SIK2: variants seen among roughly 807,000 people sequenced by gnomAD.
The protein encoded by SIK2 is salt inducible kinase 2.
SIK2 carries 29 observed loss-of-function variants against 103.2 expected under a neutral mutation model. The observed-to-expected ratio is 0.28, with a 90% CI of 0.21 to 0.38. The LOEUF (loss-of-function observed/expected upper bound fraction) is 0.38. SIK2 is among the 10% of genes least tolerant of loss of function. The pLI is 1.00. For synonymous variants in SIK2, 412 were observed against 446.1 expected (o/e 0.92, Z 0.96); for missense variants, 879 against 1,171.0 (o/e 0.75, Z 3.64).
At chr11:111,614,634 AAGAAG>A (rs1941779239) in intron 1 of SIK2, among the ~76,000 whole-genome samples, 1 of 152,196 alleles carries the variant, frequency 6.6e-6, no homozygotes, top group Admixed American at 6.5e-5. Context: ...GAGGAGGAGA[AAGAAG>A]AGAAGTTGGT....
Position 111,701,645 on chromosome 11 carries a change from A to C in SIK2, c.727+70A>C. On this transcript the variant is annotated intron_variant, in intron 6 of 14. Transcript: ENST00000304987. The surrounding 1 kb of genome is among the most constrained non-coding windows in gnomAD (Gnocchi z 4.2). ...GCTCCAAGTGAAATGCCTAGGTAAA[A>C]GCTTCTTTTTTTCTAAGAGTTTGGG... is the stretch of plus-strand genomic sequence containing the variant. 6.5e-7 allele frequency: 1 copy of C among 1,543,690 alleles called. No homozygotes were observed. The highest frequency in any genetic ancestry group is 8.8e-7 in the Non-Finnish European group (1 of 1,142,500).
chr11:111,603,005 C>G (rs1941604664), intron 1 of SIK2, among the ~76,000 whole-genome samples: 1 of 146,092 alleles, frequency 6.8e-6, no homozygotes, highest in Non-Finnish European at 1.5e-5. Context: ...CCACCCGGGC[C>G]GTGACCTGGT....
chr11:111,605,331 T>C (rs548204011), intron 1 of SIK2, among the ~76,000 whole-genome samples: 23 of 152,236 alleles, frequency 1.5e-4, no homozygotes, highest in Non-Finnish European at 2.6e-4. Flanking sequence ...ACAGCAGTTA[T>C]TTATCCTTAT....
chr11:111,607,750 G>A (rs1941666630), intron 1 of SIK2, among the ~76,000 whole-genome samples: 1 of 152,140 alleles, frequency 6.6e-6, no homozygotes, highest in Non-Finnish European at 1.5e-5. Flanking sequence ...ATTTGTCAAA[G>A]TATTCTGCTA....
intron 3 of SIK2, among the ~76,000 whole-genome samples, chr11:111,625,589 AG>A (rs1227180376): frequency 6.6e-6 from 1 of 152,230 alleles, no homozygotes; most frequent in African/African-American, 2.4e-5. Flanking sequence ...TATTCTCAGA[AG>A]GATCAAGTGA....
intron 14 of SIK2, among the ~76,000 whole-genome samples, chr11:111,723,207 G>A: frequency 6.6e-6 from 1 of 152,166 alleles, no homozygotes; most frequent in Non-Finnish European, 1.5e-5. Flanking sequence ...TCCCCTTCTA[G>A]CCTCTCCAGA....
chr11:111,655,048 T>C (rs1452854547), intron 3 of SIK2, among the ~76,000 whole-genome samples: 1 of 152,234 alleles, frequency 6.6e-6, no homozygotes, highest in East Asian at 1.9e-4. Flanking sequence ...TGAAGCAATT[T>C]GTCAGTTTTA....
At chr11:111,668,845 A>C (rs1942584975) in intron 3 of SIK2, among the ~76,000 whole-genome samples, 1 of 152,222 alleles carries the variant, frequency 6.6e-6, no homozygotes, top group Non-Finnish European at 1.5e-5. Flanking sequence ...GATGCAGTTC[A>C]AGAAAAATGG....
At chr11:111,616,148 C>G (rs550116637) in intron 1 of SIK2, 95 bp from the exon 2 acceptor site, 4 of 748,610 alleles carry the variant, frequency 5.3e-6, no homozygotes, top group Non-Finnish European at 9.0e-6. Flanking sequence ...CAGGAACCTA[C>G]AGGTGAAGTC....
At chr11:111,625,735 A>G (rs988158393) in intron 3 of SIK2, among the ~76,000 whole-genome samples, 5 of 152,222 alleles carry the variant, frequency 3.3e-5, no homozygotes. Context: ...CTTACAGAGC[A>G]AATGAGAGAA....
intron 3 of SIK2, chr11:111,671,691 G>T: frequency 2.6e-6 from 1 of 384,034 alleles, no homozygotes; most frequent in Admixed American, 3.2e-5. Flanking sequence ...GCAGCTCCTG[G>T]ATCTCCTTCA....
At chr11:111,673,355 GAGTACTCC>G in intron 3 of SIK2, among the ~76,000 whole-genome samples, 1 of 152,302 alleles carries the variant, frequency 6.6e-6, no homozygotes, top group East Asian at 1.9e-4. Flanking sequence ...CTGCAACTCT[GAGTACTCC>G]TGTTTTGGCA....
chr11:111,651,045 A>AT (rs1271854853), intron 3 of SIK2, among the ~76,000 whole-genome samples: 2 of 152,196 alleles, frequency 1.3e-5, no homozygotes, highest in Non-Finnish European at 2.9e-5. Context: ...CGTTAGAGTT[A>AT]TATATTAAGT....
At chr11:111,718,707 C>T (rs145302170) in intron 9 of SIK2, 4 of 152,362 alleles carry the variant, frequency 2.6e-5, no homozygotes, top group African/African-American at 7.2e-5. Flanking sequence ...CTCTCACATA[C>T]ATGAGCTTCT....
At chr11:111,633,336 G>T (rs945782469) in intron 3 of SIK2, among the ~76,000 whole-genome samples, 2 of 152,130 alleles carry the variant, frequency 1.3e-5, no homozygotes, top group Non-Finnish European at 1.5e-5. Flanking sequence ...AAGTCTGCAT[G>T]TGTATCTTTT....
At chr11:111,667,695 G>T (rs1942565506) in intron 3 of SIK2, among the ~76,000 whole-genome samples, 1 of 151,972 alleles carries the variant, frequency 6.6e-6, no homozygotes, top group Non-Finnish European at 1.5e-5. Context: ...GTTTCACCAT[G>T]TTGGCCAGGC....
intron 3 of SIK2, among the ~76,000 whole-genome samples, chr11:111,643,870 C>T (rs1009288454): frequency 5.3e-5 from 8 of 151,932 alleles, no homozygotes; most frequent in African/African-American, 1.9e-4. Context: ...GTAGCCCCAG[C>T]TACTCATGAG....
chr11:111,728,019 C>T lies in SIK2; in HGVS notation c.*3890C>T, dbSNP rs981158639. The T allele has an allele frequency of 1.3e-5, 2 of 152,188 alleles. No individual in the cohort carries two copies. The highest frequency in any genetic ancestry group is 2.9e-5 in the Non-Finnish European group (2 of 68,044). 9.4% of individuals were successfully genotyped at this position (152,188 alleles called of 1,614,324 possible). Reference sequence around the variant, plus strand: ...ATTCATACTCCAGGTAACTTTTTCCCATTCGACCTCCTATAGAGACAATAT... The same window carrying T: ...ATTCATACTCCAGGTAACTTTTTCCTATTCGACCTCCTATAGAGACAATAT... On this transcript the variant is annotated 3_prime_UTR_variant, in exon 15 of 15. Transcript: ENST00000304987.
intron 3 of SIK2, among the ~76,000 whole-genome samples, chr11:111,683,582 G>A (rs1360628554): frequency 2.6e-4 from 39 of 152,036 alleles, no homozygotes; most frequent in Admixed American, 2.6e-3. Context: ...CTCCTGAGTA[G>A]CTGGGATAAC....
Sources: allele counts gnomAD v4.1 joint callset (sites outside exome capture counted in the v4.1 genomes callset), GRCh38; gene constraint gnomAD v4.1.1; non-coding constraint Gnocchi (gnomAD v3.1); transcripts MANE v1.5; gene names NCBI Gene and HGNC (gene_info 2026-07-23, HGNC 2026-07-21).